Variants in TMEM132C observed in about 807,000 individuals in gnomAD.
TMEM132C encodes transmembrane protein 132C.
TMEM132C carries 29 observed loss-of-function variants against 61.4 expected under a neutral mutation model. The ratio of observed to expected loss-of-function variants is 0.47; its 90% CI spans 0.35 to 0.64. The LOEUF (loss-of-function observed/expected upper bound fraction) is 0.64, where lower values mean the gene tolerates loss of function less well. Among genes scored for constraint, TMEM132C ranks in the 30% least tolerant of loss-of-function variants. TMEM132C has a pLI of 0.00. For synonymous variants in TMEM132C, 656 were observed against 633.1 expected, an observed-to-expected ratio of 1.04 and a Z score of -0.54; for missense variants, 1,408 against 1,476.9, an observed-to-expected ratio of 0.95 and a Z score of 0.76.
intron 4 of TMEM132C, among the ~76,000 whole-genome samples, chr12:128,648,654 G>C (rs1954236044): frequency 6.6e-6 from 1 of 150,976 alleles, no homozygotes; most frequent in Non-Finnish European, 1.5e-5. Context: ...ATCGGCGTTG[G>C]ATGTGAGTGT....
At chr12:128,611,476 G>T (rs1468685609) in intron 3 of TMEM132C, among the ~76,000 whole-genome samples, 3 of 152,150 alleles carry the variant, frequency 2.0e-5, no homozygotes, top group Non-Finnish European at 4.4e-5. Context: ...TCTGGGGCGG[G>T]AGCGGGGTTA....
At position 128,326,331 on chromosome 12, in the gene TMEM132C, T is replaced by A. The variant is rs1044343891; in HGVS notation, c.85+58844T>A. Among the ~76,000 whole-genome samples, 1 of 152,206 alleles carries A rather than the reference T, an allele frequency of 6.6e-6. No homozygotes were observed. On this transcript the variant is annotated intron_variant, in intron 1 of 8. Coordinates refer to ENST00000435159, the MANE Select transcript of TMEM132C (RefSeq NM_001136103.3). The surrounding 1 kb of genome is among the most constrained non-coding windows in gnomAD (Gnocchi z 5.6). ...GTCCGATTCTCTGGATATGAGAGTG[T>A]TGTTTTCCAAGTGTAGCAGGGTTTC...
chr12:128,536,102 T>C (rs1873516035), intron 2 of TMEM132C, among the ~76,000 whole-genome samples: 1 of 152,220 alleles, frequency 6.6e-6, no homozygotes, highest in East Asian at 1.9e-4. Context: ...ATATGTTTAT[T>C]GCAGCACTAT....
chr12:128,587,125 T>C (rs1374367292), intron 3 of TMEM132C, among the ~76,000 whole-genome samples: 1 of 152,248 alleles, frequency 6.6e-6, no homozygotes, highest in Non-Finnish European at 1.5e-5. Flanking sequence ...CCAGTGGGTG[T>C]TGGCAGCAGT....
chr12:128,301,102 C>A (rs1350556158), intron 1 of TMEM132C, among the ~76,000 whole-genome samples: 1 of 152,078 alleles, frequency 6.6e-6, no homozygotes, highest in Non-Finnish European at 1.5e-5. Context: ...TTTTACCATG[C>A]ACACTGATGA....
chr12:128,386,090 G>C (rs1445066111), intron 1 of TMEM132C, among the ~76,000 whole-genome samples: 1 of 152,150 alleles, frequency 6.6e-6, no homozygotes, highest in Non-Finnish European at 1.5e-5. Flanking sequence ...CGCATAATGA[G>C]GCTGTGTGTT....
intron 1 of TMEM132C, among the ~76,000 whole-genome samples, chr12:128,279,289 A>G (rs1291624945): frequency 6.6e-6 from 1 of 152,060 alleles, no homozygotes; most frequent in South Asian, 2.1e-4. Flanking sequence ...CATTTTTTTT[A>G]TTATTATTAA....
intron 4 of TMEM132C, among the ~76,000 whole-genome samples, chr12:128,652,062 C>A (rs1954276371): frequency 6.6e-6 from 1 of 152,208 alleles, no homozygotes; most frequent in Non-Finnish European, 1.5e-5. Flanking sequence ...TGCCTGGACC[C>A]TTGCAGGTCA....
At chr12:128,402,863 A>T (rs970497562) in intron 1 of TMEM132C, among the ~76,000 whole-genome samples, 4 of 152,206 alleles carry the variant, frequency 2.6e-5, no homozygotes, top group Non-Finnish European at 5.9e-5. Context: ...AAGACTCTGA[A>T]GATTTTAGAG....
chr12:128,602,879 G>A (rs1285113932), intron 3 of TMEM132C, among the ~76,000 whole-genome samples: 1 of 152,224 alleles, frequency 6.6e-6, no homozygotes, highest in Non-Finnish European at 1.5e-5. Flanking sequence ...GTGCAGAGGA[G>A]ACTTTATGAT....
At chr12:128,596,885 G>T (rs1429507118) in intron 3 of TMEM132C, among the ~76,000 whole-genome samples, 2 of 150,322 alleles carry the variant, frequency 1.3e-5, no homozygotes, top group Non-Finnish European at 2.9e-5. Context: ...CATGGGACAA[G>T]CAACTTGAAT....
At chr12:128,431,831 A>G (rs972910779) in intron 2 of TMEM132C, among the ~76,000 whole-genome samples, 1 of 152,254 alleles carries the variant, frequency 6.6e-6, no homozygotes, top group South Asian at 2.1e-4. Flanking sequence ...TGCTTCGACC[A>G]TCTAGCACTT....
At chr12:128,292,760 A>T (rs1254686701) in intron 1 of TMEM132C, among the ~76,000 whole-genome samples, 1 of 152,180 alleles carries the variant, frequency 6.6e-6, no homozygotes, top group African/African-American at 2.4e-5. Context: ...CCTAGTACCT[A>T]GATGAGGCAC....
chr12:128,665,640 CA>C, intron 4 of TMEM132C, among the ~76,000 whole-genome samples: 1 of 150,350 alleles, frequency 6.7e-6, no homozygotes, highest in African/African-American at 2.5e-5. Flanking sequence ...CACACACACA[CA>C]CACCCAGGCA....
chr12:128,702,251 T>G lies in TMEM132C; in HGVS notation c.2122-2839T>G, dbSNP rs906022885. ...CAACTCCTTTTAATGTCTCTTTAAT[T>G]TTTTAATTAAATTTTTAATTTCTTT... On this transcript the variant is annotated intron_variant, in intron 8 of 8. Coordinates refer to ENST00000435159, the MANE Select transcript of TMEM132C (RefSeq NM_001136103.3). Among the ~76,000 whole-genome samples, 3 of 152,234 alleles carry G rather than the reference T, an allele frequency of 2.0e-5. No homozygotes were observed. The South Asian group carries it at 6.2e-4, about 32-fold the overall frequency.
intron 5 of TMEM132C, among the ~76,000 whole-genome samples, chr12:128,670,975 CA>C (rs1160880791): frequency 1.3e-5 from 2 of 151,518 alleles, no homozygotes; most frequent in South Asian, 2.1e-4. Flanking sequence ...TTTTAATGGG[CA>C]AAAAAATAAA....
rs189819295 is a variant in TMEM132C, at chr12:128,521,785, A to G, written c.975-22172A>G. Reference sequence around the variant, plus strand: ...AGAGCGGAATCTGGTACTCAGATATATTTTGTTTTGTTTTTCCACAATTTT... The same window carrying G: ...AGAGCGGAATCTGGTACTCAGATATGTTTTGTTTTGTTTTTCCACAATTTT... On this transcript the variant is annotated intron_variant, in intron 2 of 8. Transcript: ENST00000435159. 4.5e-3 allele frequency among the ~76,000 whole-genome samples: 686 copies of G among 152,254 alleles called. 5 individuals are homozygous for G. Among genetic ancestry groups the G allele is most frequent in the African/African-American group, 0.016 (655 of 41,554 alleles).
At chr12:128,374,544 C>T (rs756640774) in intron 1 of TMEM132C, among the ~76,000 whole-genome samples, 5 of 152,066 alleles carry the variant, frequency 3.3e-5, no homozygotes, top group Admixed American at 1.3e-4. Context: ...GGCTATTTGG[C>T]GCCTGACAGC....
chr12:128,338,655 A>G (rs1872859353), intron 1 of TMEM132C, among the ~76,000 whole-genome samples: 1 of 150,686 alleles, frequency 6.6e-6, no homozygotes, highest in South Asian at 2.1e-4. Context: ...GCCCCCTCCC[A>G]CTCCTTTCTA....
Sources: gnomAD v4.1 joint callset for allele counts (sites outside exome capture counted in the v4.1 genomes callset) on GRCh38, gnomAD v4.1.1 for gene constraint, Gnocchi (gnomAD v3.1) non-coding constraint, MANE v1.5 for transcripts, NCBI Gene and HGNC (gene_info 2026-07-23, HGNC 2026-07-21) for gene names.